RAB27A: variants seen among roughly 807,000 people sequenced by gnomAD.
The protein encoded by RAB27A is RAB27A, member RAS oncogene family, also known as ras-related protein Rab-27A.
Under a neutral mutation model 20.8 loss-of-function variants are expected in RAB27A, and 17 were observed. That is an observed-to-expected ratio of 0.82 (90% CI 0.56 to 1.23). The LOEUF is 1.23. RAB27A is among the 50% of genes most tolerant of loss of function. The pLI, the probability that RAB27A is intolerant of heterozygous loss-of-function variation, is 0.00. For synonymous variants in RAB27A, 85 were observed against 92.8 expected, an observed-to-expected ratio of 0.92 and a Z score of 0.48; for missense variants, 277 against 266.7, an observed-to-expected ratio of 1.04 and a Z score of -0.27.
At chr15:55,256,589 C>T (rs1049102231) in intron 2 of RAB27A, among the ~76,000 whole-genome samples, 1 of 152,174 alleles carries the variant, frequency 6.6e-6, no homozygotes, top group Non-Finnish European at 1.5e-5. Context: ...ATTGAGGAGG[C>T]TTGCTAATCA....
chr15:55,312,996 C>T (rs2055027761), intron 2 of RAB27A, among the ~76,000 whole-genome samples: 1 of 152,182 alleles, frequency 6.6e-6, no homozygotes, highest in Non-Finnish European at 1.5e-5. Context: ...GCTCCTTGAG[C>T]CCCGGTCCCA....
At chr15:55,233,314 A>T (rs780308057) in intron 3 of RAB27A, among the ~76,000 whole-genome samples, 4 of 152,096 alleles carry the variant, frequency 2.6e-5, no homozygotes, top group Non-Finnish European at 4.4e-5. Context: ...TCAAAATTAG[A>T]TTGTGAAAAA....
intron 1 of RAB27A, chr15:55,317,646 T>C (rs2055060107): frequency 5.0e-6 from 2 of 398,426 alleles, no homozygotes; most frequent in Non-Finnish European, 8.8e-6. Context: ...TCTTCTCTTC[T>C]GATTCTTGTA....
intron 2 of RAB27A, among the ~76,000 whole-genome samples, chr15:55,244,284 C>T (rs947860227): frequency 2.0e-5 from 3 of 152,008 alleles, no homozygotes; most frequent in Non-Finnish European, 4.4e-5. Context: ...CACTGCATTC[C>T]GGCCTGGGAG....
chr15:55,313,354 T>C (rs2055029370), intron 2 of RAB27A, among the ~76,000 whole-genome samples: 1 of 152,088 alleles, frequency 6.6e-6, no homozygotes, highest in African/African-American at 2.4e-5. Flanking sequence ...TAGCGAGCAA[T>C]GATGATACTA....
chr15:55,240,858 C>T (rs1896450413), intron 2 of RAB27A, among the ~76,000 whole-genome samples: 1 of 152,060 alleles, frequency 6.6e-6, no homozygotes, highest in Non-Finnish European at 1.5e-5. Flanking sequence ...ATTGCAATTG[C>T]AATAGAGATA....
At chr15:55,219,572 C>T (rs531234320) in intron 6 of RAB27A, among the ~76,000 whole-genome samples, 2 of 152,286 alleles carry the variant, frequency 1.3e-5, no homozygotes, top group Non-Finnish European at 2.9e-5. Flanking sequence ...CTGCGGGACC[C>T]AGTGTTCAGG....
At chr15:55,307,516 G>A (rs1239535893) in intron 2 of RAB27A, among the ~76,000 whole-genome samples, 1 of 151,950 alleles carries the variant, frequency 6.6e-6, no homozygotes, top group Non-Finnish European at 1.5e-5. Flanking sequence ...TAACGCCTGG[G>A]ATACTCCCTG....
chr15:55,272,645 T>G (rs1293911575), intron 1 of RAB27A, among the ~76,000 whole-genome samples: 1 of 152,250 alleles, frequency 6.6e-6, no homozygotes, highest in Non-Finnish European at 1.5e-5. Context: ...AAAGATGGCA[T>G]GCTCAACATG....
At chr15:55,307,246 G>A (rs1288229551) in intron 2 of RAB27A, among the ~76,000 whole-genome samples, 1 of 151,978 alleles carries the variant, frequency 6.6e-6, no homozygotes, top group African/African-American at 2.4e-5. Context: ...AGGAGGTGAT[G>A]TCTGCAACTA....
intron 2 of RAB27A, among the ~76,000 whole-genome samples, chr15:55,261,896 G>C (rs998415182): frequency 1.3e-5 from 2 of 151,630 alleles, no homozygotes; most frequent in African/African-American, 4.9e-5. Flanking sequence ...AATTAGCTGG[G>C]CATGGTGGCA....
chr15:55,316,837 C>T (rs1377874372), intron 1 of RAB27A, among the ~76,000 whole-genome samples: 1 of 152,162 alleles, frequency 6.6e-6, no homozygotes, highest in Admixed American at 6.5e-5. Context: ...CATCCCAACT[C>T]TCAACTACTC....
intron 6 of RAB27A, among the ~76,000 whole-genome samples, chr15:55,223,235 G>A (rs1895656975): frequency 6.6e-6 from 1 of 152,146 alleles, no homozygotes; most frequent in African/African-American, 2.4e-5. Context: ...GGCTGGGTGT[G>A]GTGGCTCATA....
At chr15:55,233,215 G>A (rs1186454880) in intron 3 of RAB27A, among the ~76,000 whole-genome samples, 1 of 152,074 alleles carries the variant, frequency 6.6e-6, no homozygotes, top group Non-Finnish European at 1.5e-5. Flanking sequence ...GATGTCATTC[G>A]TATAGCAATA....
At chr15:55,282,339 A>G (rs1898038500) in intron 1 of RAB27A, among the ~76,000 whole-genome samples, 1 of 152,250 alleles carries the variant, frequency 6.6e-6, no homozygotes, top group African/African-American at 2.4e-5. Flanking sequence ...CCTGAGGCAC[A>G]GCTCTGGATT....
chr15:55,211,242 C>T (rs1416163062), intron 6 of RAB27A, among the ~76,000 whole-genome samples: 4 of 151,902 alleles, frequency 2.6e-5, no homozygotes, highest in African/African-American at 9.7e-5. Flanking sequence ...TATTGAGGGT[C>T]TTTTGTGGTT....
intron 2 of RAB27A, among the ~76,000 whole-genome samples, chr15:55,253,739 T>TAA (rs781690695): frequency 6.9e-6 from 1 of 144,240 alleles, no homozygotes; most frequent in South Asian, 2.2e-4. Flanking sequence ...GAGCCTTGTT[T>TAA]AAAAAAAAAA....
At chr15:55,215,104 T>A (rs184427958) in intron 6 of RAB27A, among the ~76,000 whole-genome samples, 1 of 152,130 alleles carries the variant, frequency 6.6e-6, no homozygotes, top group African/African-American at 2.4e-5. Context: ...TAAAAAGTAG[T>A]TGAACAGTAA....
At chr15:55,304,690 A>G (rs1455063177) in intron 2 of RAB27A, among the ~76,000 whole-genome samples, 3 of 152,158 alleles carry the variant, frequency 2.0e-5, no homozygotes, top group Non-Finnish European at 2.9e-5. Flanking sequence ...TACTTCATTT[A>G]TCTTCTTGGC....
Sources: allele counts gnomAD v4.1 joint callset (sites outside exome capture counted in the v4.1 genomes callset), GRCh38; gene constraint gnomAD v4.1.1; transcripts MANE v1.5; gene names NCBI Gene and HGNC (gene_info 2026-07-23, HGNC 2026-07-21).